The following NSUN6 variants were observed in gnomAD, a reference collection of about 807,000 sequenced individuals.
NSUN6 encodes tRNA (cytosine(72)-C(5))-methyltransferase NSUN6.
NSUN6 carries 64 observed loss-of-function variants against 58.0 expected under a neutral mutation model. That is an observed-to-expected ratio of 1.10 (90% CI 0.90 to 1.36). The LOEUF (loss-of-function observed/expected upper bound fraction) is 1.36. Ranked by LOEUF, NSUN6 falls within the 40% of genes most tolerant of loss-of-function variation. The pLI is 0.00. For synonymous variants in NSUN6, 231 were observed against 193.9 expected (o/e 1.19, Z -1.59); for missense variants, 701 against 550.1 (o/e 1.27, Z -2.74).
chr10:18,550,728 C>CT (rs66875630), intron 9 of NSUN6, among the ~76,000 whole-genome samples: 4,565 of 138,922 alleles, frequency 0.033, 249 homozygotes, highest in African/African-American at 0.11. Flanking sequence ...CAAAAAATCT[C>CT]TTTTTTTTTT....
chr10:18,591,833 C>T (rs935325087), intron 7 of NSUN6, among the ~76,000 whole-genome samples: 3 of 152,142 alleles, frequency 2.0e-5, no homozygotes, highest in African/African-American at 7.2e-5. Flanking sequence ...CCTCTCACCA[C>T]TCCTATTCAA....
At chr10:18,609,114 G>A (rs1408457590) in intron 6 of NSUN6, among the ~76,000 whole-genome samples, 6 of 152,060 alleles carry the variant, frequency 3.9e-5, no homozygotes, top group Non-Finnish European at 8.8e-5. Flanking sequence ...TTTGAGACCA[G>A]CCTGGGCCAC....
intron 8 of NSUN6, among the ~76,000 whole-genome samples, chr10:18,576,633 C>T (rs1035739422): frequency 3.9e-5 from 6 of 152,224 alleles, no homozygotes; most frequent in African/African-American, 9.6e-5. Context: ...CATCCAGCTT[C>T]CATCCCCCAA....
At chr10:18,576,416 A>C (rs1021364907) in intron 8 of NSUN6, among the ~76,000 whole-genome samples, 1 of 152,136 alleles carries the variant, frequency 6.6e-6, no homozygotes, top group Non-Finnish European at 1.5e-5. Flanking sequence ...TCTTACCCTC[A>C]ATGTAGAGCT....
At chr10:18,602,760 T>C (rs751231455) in intron 6 of NSUN6, among the ~76,000 whole-genome samples, 11 of 152,160 alleles carry the variant, frequency 7.2e-5, no homozygotes, top group Non-Finnish European at 1.2e-4. Context: ...TTTTTTACTA[T>C]TGGGTCTTTT....
chr10:18,590,928 A>G (rs2057355064), intron 7 of NSUN6, among the ~76,000 whole-genome samples: 1 of 152,120 alleles, frequency 6.6e-6, no homozygotes, highest in African/African-American at 2.4e-5. Context: ...GACACAAAAA[A>G]CCCTTCAAAG....
At chr10:18,614,363 A>AAT in intron 5 of NSUN6, 97 bp downstream of exon 5, 1 of 735,348 alleles carries the variant, frequency 1.4e-6, no homozygotes, top group Non-Finnish European at 2.0e-6. Flanking sequence ...AAAAAAAAAA[A>AAT]TTTCATATAA....
intron 6 of NSUN6, among the ~76,000 whole-genome samples, chr10:18,600,968 A>ATATATG (rs2057808605): frequency 1.7e-5 from 2 of 115,316 alleles, no homozygotes; most frequent in Non-Finnish European, 3.4e-5. Context: ...ATACATATAT[A>ATATATG]TATATATATG....
At chr10:18,608,481 C>CA (rs905555180) in intron 6 of NSUN6, among the ~76,000 whole-genome samples, 2 of 151,818 alleles carry the variant, frequency 1.3e-5, no homozygotes, top group African/African-American at 4.8e-5. Flanking sequence ...ACTAAAAATA[C>CA]AAAAAATTAG....
intron 8 of NSUN6, 48 bp downstream of exon 8, chr10:18,585,901 C>A (rs764090768): frequency 7.0e-6 from 10 of 1,425,374 alleles, no homozygotes; most frequent in Non-Finnish European, 8.7e-6. Flanking sequence ...CTGTATGCCA[C>A]AAATATATGA....
chr10:18,588,792 A>G (rs1044558406), intron 7 of NSUN6, among the ~76,000 whole-genome samples: 2 of 152,232 alleles, frequency 1.3e-5, no homozygotes, highest in African/African-American at 4.8e-5. Flanking sequence ...AAAGGTATAT[A>G]AATCCATGAA....
chr10:18,596,504 T>C (rs1202442495), intron 6 of NSUN6, among the ~76,000 whole-genome samples, 177 bp from the exon 7 acceptor site: 1 of 152,170 alleles, frequency 6.6e-6, no homozygotes, highest in African/African-American at 2.4e-5. Flanking sequence ...TAGAATATCC[T>C]ACGATCTCCC....
chr10:18,556,609 A>ATGGAATGGAATGGACATGGAATG (rs1446863462), intron 8 of NSUN6, among the ~76,000 whole-genome samples: 5 of 151,412 alleles, frequency 3.3e-5, no homozygotes, highest in African/African-American at 1.2e-4. Context: ...GGAATAGACA[A>ATGGAATGGAATGGACATGGAATG]TGGAATGGAA....
At chr10:18,598,482 T>C (rs564168764) in intron 6 of NSUN6, among the ~76,000 whole-genome samples, 1 of 152,336 alleles carries the variant, frequency 6.6e-6, no homozygotes, top group South Asian at 2.1e-4. Flanking sequence ...CTGGCTCTGT[T>C]ACCCAGGCTG....
At chr10:18,637,721 C>T (rs2059264368) in intron 3 of NSUN6, among the ~76,000 whole-genome samples, 1 of 152,142 alleles carries the variant, frequency 6.6e-6, no homozygotes, top group African/African-American at 2.4e-5. Context: ...AACTAAATGT[C>T]TATCAATGGA....
rs56297487 is a variant in NSUN6 at position 18,623,603 on chromosome 10, G to A, written c.312-7310C>T. Among the ~76,000 whole-genome samples, 46 of 152,316 alleles carry A rather than the reference G, an allele frequency of 3.0e-4. No homozygotes were observed. In the South Asian group the frequency reaches 3.1e-3, roughly 10 times the overall value. On this transcript the variant is annotated intron_variant, in intron 3 of 10. Transcript: ENST00000377304. ...ATGTCTTACCAGTATCCTGTTCAGA[G>A]GAGACAAGTGTGAAAGAAGAAATGG...
chr10:18,633,096 G>A (rs1353929313), intron 3 of NSUN6, among the ~76,000 whole-genome samples: 2 of 151,916 alleles, frequency 1.3e-5, no homozygotes, highest in Non-Finnish European at 2.9e-5. Context: ...ATGAGTTCGT[G>A]TCCTTTGTAG....
At chr10:18,638,973 G>T (rs924698017) in intron 3 of NSUN6, among the ~76,000 whole-genome samples, 41 of 125,026 alleles carry the variant, frequency 3.3e-4, no homozygotes, top group Middle Eastern at 5.1e-3. Context: ...AAAAAAAACT[G>T]GCCGGCCATG....
At chr10:18,590,861 GC>G (rs2057353032) in intron 7 of NSUN6, among the ~76,000 whole-genome samples, 1 of 151,922 alleles carries the variant, frequency 6.6e-6, no homozygotes, top group Non-Finnish European at 1.5e-5. Context: ...AGAAGAAAGA[GC>G]CAACAAAAGG....
Sources: gnomAD v4.1 joint callset for allele counts (sites outside exome capture counted in the v4.1 genomes callset) on GRCh38, gnomAD v4.1.1 for gene constraint, MANE v1.5 for transcripts, NCBI Gene and HGNC (gene_info 2026-07-23, HGNC 2026-07-21) for gene names.